Variants in CRYBB2 observed in about 807,000 individuals in gnomAD.
CRYBB2 encodes the protein beta-crystallin B2.
In CRYBB2, 12 loss-of-function variants were observed where a neutral mutation model predicts 24.3. The observed-to-expected ratio is 0.49, with a 90% confidence interval of 0.32 to 0.80. The LOEUF (loss-of-function observed/expected upper bound fraction) is 0.80. CRYBB2 is among the 30% of genes least tolerant of loss of function. The pLI is 0.04. For missense variants in CRYBB2, 198 were observed against 268.5 expected (o/e 0.74, Z 1.83); for synonymous variants, 98 against 101.6 (o/e 0.96, Z 0.21).
At chr22:25,215,774 C>T (rs1007744813), upstream of CRYBB2, among the ~76,000 whole-genome samples, 10 of 152,166 alleles carry the variant, frequency 6.6e-5, no homozygotes, top group East Asian at 1.9e-4. Flanking sequence ...TGTGTGACCT[C>T]GAACAAGTTA....
chr22:25,212,100 C>T (rs1008408865), upstream of CRYBB2, among the ~76,000 whole-genome samples: 3 of 152,170 alleles, frequency 2.0e-5, no homozygotes, highest in Admixed American at 6.5e-5. Context: ...AAACCAAGGA[C>T]GTGCAATATG....
At chr22:25,220,358 G>T (rs1005947703) in intron 1 of CRYBB2, among the ~76,000 whole-genome samples, 1 of 152,192 alleles carries the variant, frequency 6.6e-6, no homozygotes, top group Non-Finnish European at 1.5e-5. Context: ...CATAGGGAGA[G>T]GATGAGACCT....
chr22:25,216,514 C>T (rs1029547822), upstream of CRYBB2, among the ~76,000 whole-genome samples: 1 of 152,174 alleles, frequency 6.6e-6, no homozygotes, highest in Non-Finnish European at 1.5e-5. Flanking sequence ...CAAGGAAGGA[C>T]CCTCACCTAG....
chr22:25,218,773 GAGAGAGAAGAAAGAAAGAAAGAAAGA>G (rs1363284558), upstream of CRYBB2, among the ~76,000 whole-genome samples: 2 of 32,262 alleles, frequency 6.2e-5, no homozygotes, highest in African/African-American at 2.0e-4. Flanking sequence ...GAGAGAGAGA[GAGAGAGAAGAAAGAAAGAAAGAAAGA>G]AAGAAAGAAA....
At chr22:25,230,094 G>A (rs2146094124) in intron 5 of CRYBB2, among the ~76,000 whole-genome samples, 1 of 152,104 alleles carries the variant, frequency 6.6e-6, no homozygotes, top group South Asian at 2.1e-4. Context: ...TTCCATGGGG[G>A]TCCACAGATG....
intron 3 of CRYBB2, among the ~76,000 whole-genome samples, chr22:25,225,588 C>G (rs1645191520): frequency 6.6e-6 from 1 of 152,130 alleles, no homozygotes; most frequent in Non-Finnish European, 1.5e-5. Flanking sequence ...GTTGGCTCAC[C>G]TTATGTGATG....
chr22:25,216,800 C>A (rs1039875914), upstream of CRYBB2, among the ~76,000 whole-genome samples: 1 of 152,164 alleles, frequency 6.6e-6, no homozygotes, highest in Non-Finnish European at 1.5e-5. Context: ...TCCTCCCAGC[C>A]CCCAGTAACC....
chr22:25,217,161 T>TGGTA (rs1275876375), upstream of CRYBB2, among the ~76,000 whole-genome samples: 4 of 146,000 alleles, frequency 2.7e-5, no homozygotes, highest in East Asian at 4.1e-4. Context: ...CTGGCTCATA[T>TGGTA]GGTAATTCTA....
At chr22:25,226,238 CAT>C (rs1195905828) in intron 3 of CRYBB2, among the ~76,000 whole-genome samples, 1 of 150,716 alleles carries the variant, frequency 6.6e-6, no homozygotes, top group African/African-American at 2.4e-5. Context: ...TCATACTAAA[CAT>C]AATGTTTTAT....
chr22:25,221,651 C>T (rs966897584), intron 2 of CRYBB2, among the ~76,000 whole-genome samples, 168 bp downstream of exon 2: 9 of 152,234 alleles, frequency 5.9e-5, no homozygotes, highest in Non-Finnish European at 1.2e-4. Flanking sequence ...TACTGAAAGT[C>T]CCTCCCCAGC....
chr22:25,220,206 A>G (rs910576124), intron 1 of CRYBB2, among the ~76,000 whole-genome samples: 1 of 152,176 alleles, frequency 6.6e-6, no homozygotes, highest in Non-Finnish European at 1.5e-5. Flanking sequence ...AATTGCTGCC[A>G]TTTGCTGCAT....
Position 25,229,423 on chromosome 22 carries a change from C to G in CRYBB2, c.307-13C>G. 6.2e-7 allele frequency: 1 copy of G among 1,601,248 alleles called. No homozygotes were observed. On this transcript the variant is annotated splice_polypyrimidine_tract_variant and intron_variant, in intron 4 of 5. Transcript: ENST00000398215. ...CTCACCCATACTCACTTCCCCCCAT[C>G]CTCTGCCAATAGGACAGCCAAGAGC...
upstream of CRYBB2, among the ~76,000 whole-genome samples, chr22:25,218,258 CAA>C (rs34191563): frequency 5.6e-4 from 76 of 134,606 alleles, no homozygotes; most frequent in Middle Eastern, 0.011. Flanking sequence ...GACTCCATCT[CAA>C]AAAAAAAAAA....
chr22:25,214,882 C>G (rs1186877634), upstream of CRYBB2, among the ~76,000 whole-genome samples: 1 of 152,240 alleles, frequency 6.6e-6, no homozygotes, highest in Non-Finnish European at 1.5e-5. Flanking sequence ...AGTCTCCTCT[C>G]TGAGCCTCAC....
chr22:25,229,031 C>T (rs79450513), intron 4 of CRYBB2, among the ~76,000 whole-genome samples: 25,531 of 143,372 alleles, frequency 0.18, 2,283 homozygotes, highest in African/African-American at 0.24. Flanking sequence ...CACGTGTGTG[C>T]GTGCGTGTGT....
At chr22:25,226,563 C>CT (rs1418188217) in intron 3 of CRYBB2, among the ~76,000 whole-genome samples, 1 of 152,196 alleles carries the variant, frequency 6.6e-6, no homozygotes, top group Non-Finnish European at 1.5e-5. Flanking sequence ...TATCCAGGTC[C>CT]TGATTGTAGG....
upstream of CRYBB2, among the ~76,000 whole-genome samples, chr22:25,219,361 A>G (rs972940970): frequency 6.6e-6 from 1 of 152,118 alleles, no homozygotes; most frequent in African/African-American, 2.4e-5. Flanking sequence ...GTACCAGTGA[A>G]CCCAGCGTAC....
intron 1 of CRYBB2, among the ~76,000 whole-genome samples, chr22:25,213,122 AT>A (rs1216789777): frequency 1.3e-5 from 2 of 152,238 alleles, no homozygotes; most frequent in Non-Finnish European, 2.9e-5. Context: ...TTTTGAAAGC[AT>A]GCACGTAGAT....
At chr22:25,224,886 G>C (rs190090357) in intron 2 of CRYBB2, 32 bp from the exon 3 acceptor site, 59 of 1,190,660 alleles carry the variant, frequency 5.0e-5, no homozygotes, top group Non-Finnish European at 3.8e-6. Context: ...TCTTCATCGT[G>C]ATGAGGGTCT....
Sources: gnomAD v4.1 joint callset for allele counts (sites outside exome capture counted in the v4.1 genomes callset) on GRCh38, gnomAD v4.1.1 for gene constraint, MANE v1.5 for transcripts, NCBI Gene and HGNC (gene_info 2026-07-23, HGNC 2026-07-21) for gene names.